The following ARL10 variants were observed in gnomAD, a reference collection of about 807,000 sequenced individuals.
The protein encoded by ARL10 is ADP-ribosylation factor-like protein 10.
Under a neutral mutation model 26.1 loss-of-function variants are expected in ARL10, and 23 were observed. The ratio of observed to expected loss-of-function variants is 0.88; its 90% CI spans 0.63 to 1.25. The LOEUF (loss-of-function observed/expected upper bound fraction) is 1.25, where lower values mean the gene tolerates loss of function less well. ARL10 is among the 50% of genes most tolerant of loss of function. ARL10 has a pLI of 0.00. For synonymous variants in ARL10, 138 were observed against 149.1 expected (o/e 0.93, Z 0.54); for missense variants, 300 against 323.6 (o/e 0.93, Z 0.56).
rs1768247789 is a variant in ARL10, at chr5:176,365,535, A to G, written c.-29A>G. ...CGGGCGAGTGGGCTCGGCCTGTGCA[A>G]CCCGCACCTGCGTCCCTCGCCCGGC... is the stretch of plus-strand genomic sequence containing the variant. On this transcript the variant is annotated 5_prime_UTR_variant, in exon 1 of 4. Coordinates refer to ENST00000310389, the MANE Select transcript of ARL10 (RefSeq NM_173664.6). 8.2e-7 allele frequency: 1 copy of G among 1,221,554 alleles called. No individual in the cohort carries two copies. The highest frequency in any genetic ancestry group is 1.0e-6 in the Non-Finnish European group (1 of 981,566). The allele number at this position is 1,221,554 out of a possible 1,614,324, so 75.7% of individuals were successfully genotyped here. A position where few individuals can be genotyped will look rare whatever the true frequency, so the allele number is the denominator to read the frequency against.
chr5:176,410,054 C>T, the ARL10 span, among the ~76,000 whole-genome samples: 1 of 152,202 alleles, frequency 6.6e-6, no homozygotes, highest in African/African-American at 2.4e-5. Flanking sequence ...CCATCAATCT[C>T]GATCTCTAGT....
the ARL10 span, among the ~76,000 whole-genome samples, chr5:176,414,608 A>T: frequency 6.6e-6 from 1 of 151,976 alleles, no homozygotes; most frequent in Non-Finnish European, 1.5e-5. Flanking sequence ...ATGCCTGGCT[A>T]ATTTTTGTAT....
chr5:176,368,967 G>C lies in ARL10; in HGVS notation c.546G>C (p.Val182=), dbSNP rs1190401338. ...LDKDPDLPVV[V]VANKQDLSEA... ...AGGACCCTGACCTGCCTGTCGTCGT[G>C]GTGGCCAACAAGCAGGTGAGGGCTG... The change falls in exon 3 of 4, where the codon GTG becomes GTC. Residue 182 remains valine, a synonymous_variant. Coordinates refer to ENST00000310389, the MANE Select transcript of ARL10 (RefSeq NM_173664.6). This position sits in a 1 kb window ranked among gnomAD's most constrained non-coding sequence, Gnocchi z 4.1. The C allele has an allele frequency of 3.7e-6, 6 of 1,613,864 alleles. No homozygotes were observed. Among genetic ancestry groups the C allele is most frequent in the African/African-American group, 2.7e-5 (2 of 74,898 alleles).
At chr5:176,370,195 C>T (rs1380975577) in intron 3 of ARL10, among the ~76,000 whole-genome samples, 1 of 152,186 alleles carries the variant, frequency 6.6e-6, no homozygotes, top group African/African-American at 2.4e-5. Flanking sequence ...TCGTGATAGG[C>T]CCTGCTGTTA....
chr5:176,375,979 T>A lies in ARL10; in HGVS notation c.*4084T>A, dbSNP rs1409821203. The A allele has an allele frequency of 1.3e-5, 2 of 152,184 alleles. No homozygotes were observed. The highest frequency in any genetic ancestry group is 2.4e-5 in the African/African-American group (1 of 41,448). 9.4% of individuals were successfully genotyped at this position (152,184 alleles called of 1,614,324 possible). A position where few individuals can be genotyped will look rare whatever the true frequency, so the allele number is the denominator to read the frequency against. Reference sequence around the variant, plus strand: ...TTGCATAGGCATTACCTGGACAGGTTTTTTTCCATATTGGCACTTATTAAT... The same window carrying A: ...TTGCATAGGCATTACCTGGACAGGTATTTTTCCATATTGGCACTTATTAAT... On this transcript the variant is annotated 3_prime_UTR_variant, in exon 4 of 4. Coordinates refer to ENST00000310389, the MANE Select transcript of ARL10 (RefSeq NM_173664.6).
intron 3 of ARL10, among the ~76,000 whole-genome samples, chr5:176,370,010 C>A (rs984508394): frequency 6.6e-6 from 1 of 151,232 alleles, no homozygotes; most frequent in African/African-American, 2.4e-5. Context: ...TAAAGCTGTA[C>A]CTTTTCCACT....
At position 176,366,374 on chromosome 5, in the gene ARL10, C is replaced by A; in HGVS notation, c.184-6C>A. The A allele has an allele frequency of 6.2e-7, 1 of 1,604,676 alleles. No individual in the cohort carries two copies. Reference sequence around the variant, plus strand: ...CAGCCGCAACCTTACCTCCGCTTCCCCGCAGCCCGAGGACGAGGAGGACGA... The same window carrying A: ...CAGCCGCAACCTTACCTCCGCTTCCACGCAGCCCGAGGACGAGGAGGACGA... On this transcript the variant is annotated splice_polypyrimidine_tract_variant and splice_region_variant and intron_variant, in intron 1 of 3. Transcript: ENST00000310389.
downstream of ARL10, chr5:176,386,126 G>A (rs1201934620): frequency 6.5e-6 from 1 of 155,036 alleles, no homozygotes; most frequent in Non-Finnish European, 1.4e-5. Flanking sequence ...ATCCTTTACT[G>A]AACAGTGCAC....
chr5:176,405,100 C>T (rs1381571503), downstream of ARL10, among the ~76,000 whole-genome samples: 1 of 152,204 alleles, frequency 6.6e-6, no homozygotes, highest in Non-Finnish European at 1.5e-5. Flanking sequence ...CAGAGAAGAA[C>T]TCAATCTGTT....
At chr5:176,383,449 T>C (rs1353327464), downstream of ARL10, among the ~76,000 whole-genome samples, 1 of 152,230 alleles carries the variant, frequency 6.6e-6, no homozygotes, top group African/African-American at 2.4e-5. Flanking sequence ...AGGATGGCCA[T>C]GCCATGTGTA....
In ARL10 at chr5:176,371,756, A is replaced by G. The variant is rs747495036; in HGVS notation, c.596A>G (p.Gln199Arg). The change falls in exon 4 of 4, where the codon CAG (glutamine) becomes CGG (arginine). Residue 199 changes from glutamine to arginine, a missense_variant. Physicochemically the swap from Gln to Arg is conservative, Grantham distance 43 (BLOSUM62 1). Coordinates refer to ENST00000310389, the MANE Select transcript of ARL10 (RefSeq NM_173664.6). ...LSEAMSMGEL[Q>R]RELGLQAIDN... Reference sequence around the variant, plus strand: ...GAGGCCATGAGTATGGGGGAGCTGCAGCGGGAGCTGGGTCTACAGGCTATC... The same window carrying G: ...GAGGCCATGAGTATGGGGGAGCTGCGGCGGGAGCTGGGTCTACAGGCTATC... 6.2e-7 allele frequency: 1 copy of G among 1,614,218 alleles called. No homozygotes were observed. Among genetic ancestry groups the G allele is most frequent in the Non-Finnish European group, 8.5e-7 (1 of 1,180,032 alleles).
At chr5:176,389,184 A>C (rs1756155217), downstream of ARL10, 1 of 1,096,130 alleles carries the variant, frequency 9.1e-7, no homozygotes, top group South Asian at 1.5e-5. Context: ...GGACTCTGTA[A>C]CTAGGAAGAC....
chr5:176,388,265 G>T (rs1756053953), intron 1 of ARL10: 15 of 1,613,934 alleles, frequency 9.3e-6, no homozygotes, highest in Non-Finnish European at 1.2e-5. Flanking sequence ...CCGCCCTGTT[G>T]GGGTCCACAG....
the ARL10 span, among the ~76,000 whole-genome samples, chr5:176,406,898 C>T: frequency 2.0e-5 from 3 of 152,182 alleles, no homozygotes; most frequent in Non-Finnish European, 2.9e-5. Flanking sequence ...GCAACAGAGT[C>T]GTAATGCAAA....
intron 1 of ARL10, among the ~76,000 whole-genome samples, chr5:176,399,419 C>T (rs576048291): frequency 9.2e-5 from 14 of 152,190 alleles, no homozygotes; most frequent in Non-Finnish European, 2.1e-4. Context: ...GGAGAAATTG[C>T]TTAACCTTGC....
chr5:176,398,014 T>C, intron 1 of ARL10: 2 of 1,614,014 alleles, frequency 1.2e-6, no homozygotes, highest in East Asian at 2.2e-5. Context: ...GCCTGGGCAA[T>C]GGCTGCGTAG....
At chr5:176,389,362 C>T (rs114617436), downstream of ARL10, 2 of 1,613,966 alleles carry the variant, frequency 1.2e-6, no homozygotes, top group Non-Finnish European at 1.7e-6. Flanking sequence ...CCCTCACCTA[C>T]GGCCTCTACT....
In ARL10 at chr5:176,379,682, G is replaced by A. The variant is rs1486307099; in HGVS notation, c.*7787G>A. ...TGTTTCTAAATGAGCTCTATAATCTGAAACCGGTTCATCTTTCTTTTGCCC... is the reference window on the plus strand; with the variant it reads ...TGTTTCTAAATGAGCTCTATAATCTAAAACCGGTTCATCTTTCTTTTGCCC... On this transcript the variant is annotated 3_prime_UTR_variant, in exon 4 of 4. Coordinates refer to ENST00000310389, the MANE Select transcript of ARL10 (RefSeq NM_173664.6). 4 of 152,202 alleles carry A rather than the reference G, an allele frequency of 2.6e-5. No individual in the cohort carries two copies. Among genetic ancestry groups the A allele is most frequent in the Non-Finnish European group, 5.9e-5 (4 of 68,038 alleles). The allele number at this position is 152,202 out of a possible 1,614,324, so 9.4% of individuals were successfully genotyped here.
downstream of ARL10, chr5:176,386,080 A>G (rs1031491258): frequency 6.5e-6 from 1 of 152,770 alleles, no homozygotes; most frequent in Non-Finnish European, 1.5e-5. Flanking sequence ...TGCAAAATGA[A>G]AAGGTTTTAG....
Sources: allele counts gnomAD v4.1 joint callset (sites outside exome capture counted in the v4.1 genomes callset), GRCh38; gene constraint gnomAD v4.1.1; non-coding constraint Gnocchi (gnomAD v3.1); transcripts MANE v1.5; gene names NCBI Gene and HGNC (gene_info 2026-07-23, HGNC 2026-07-21).